CNTNAP5: variants seen among roughly 807,000 people sequenced by gnomAD.
CNTNAP5 encodes the protein contactin-associated protein-like 5.
In CNTNAP5, 72 loss-of-function variants were observed where a neutral mutation model predicts 150.2. That is an observed-to-expected ratio of 0.48 (90% CI 0.40 to 0.58). The LOEUF (loss-of-function observed/expected upper bound fraction) is 0.58, where lower values mean the gene tolerates loss of function less well. CNTNAP5 is among the 20% of genes least tolerant of loss of function. The probability of loss-of-function intolerance (pLI) is 0.00; values close to 1 mark genes in which losing one functional copy is unlikely to be tolerated. For synonymous variants in CNTNAP5, 672 were observed against 619.8 expected, an observed-to-expected ratio of 1.08 and a Z score of -1.25; for missense variants, 1,636 against 1,626.2, an observed-to-expected ratio of 1.01 and a Z score of -0.10.
chr2:124,635,051 G>C (rs77958503), intron 12 of CNTNAP5, among the ~76,000 whole-genome samples: 12,079 of 152,132 alleles, frequency 0.079, 615 homozygotes, highest in African/African-American at 0.14. Flanking sequence ...TTCTACAGTA[G>C]TCCATTCTTG....
At chr2:124,633,125 C>A (rs1404222060) in intron 12 of CNTNAP5, among the ~76,000 whole-genome samples, 1 of 152,060 alleles carries the variant, frequency 6.6e-6, no homozygotes, top group Non-Finnish European at 1.5e-5. Flanking sequence ...CTAGCCCCTC[C>A]AAATCTCATG....
chr2:124,770,502 A>G (rs952436074), intron 16 of CNTNAP5, among the ~76,000 whole-genome samples: 10 of 152,168 alleles, frequency 6.6e-5, no homozygotes, highest in African/African-American at 2.4e-4. Flanking sequence ...AACATTCCTC[A>G]CCCAAATTCT....
chr2:124,518,414 T>C (rs17676142), intron 8 of CNTNAP5, among the ~76,000 whole-genome samples: 6,024 of 152,248 alleles, frequency 0.04, 144 homozygotes, highest in Non-Finnish European at 0.047. Context: ...AGCTAGGTGA[T>C]TCACAAAATA....
chr2:124,514,159 C>T (rs1198506111), intron 8 of CNTNAP5, among the ~76,000 whole-genome samples: 1 of 152,158 alleles, frequency 6.6e-6, no homozygotes, highest in Non-Finnish European at 1.5e-5. Flanking sequence ...GTTCGAGTTT[C>T]AGAAGATAGT....
rs796750394 is a variant in CNTNAP5, at chr2:124,609,422, C to G, written c.1757-379C>G. Among the ~76,000 whole-genome samples the G allele has an allele frequency of 1.3e-4, 20 of 152,188 alleles. 1 individual carries two copies. Among genetic ancestry groups the G allele is most frequent in the African/African-American group, 4.6e-4 (19 of 41,524 alleles). ...TGGATAACAGAGTGAGACCCCATCTCTATAAACATTTTTTTAAAAAAATTA... is the reference window on the plus strand; with the variant it reads ...TGGATAACAGAGTGAGACCCCATCTGTATAAACATTTTTTTAAAAAAATTA... On this transcript the variant is annotated intron_variant, in intron 11 of 23. Coordinates refer to ENST00000682447, the MANE Select transcript of CNTNAP5 (RefSeq NM_001367498.1).
At chr2:124,543,445 C>A (rs898356860) in intron 10 of CNTNAP5, among the ~76,000 whole-genome samples, 1 of 152,100 alleles carries the variant, frequency 6.6e-6, no homozygotes, top group African/African-American at 2.4e-5. Context: ...GGATTCTGTG[C>A]GCCCCTAAGC....
intron 21 of CNTNAP5, among the ~76,000 whole-genome samples, chr2:124,886,673 G>A (rs1370341618): frequency 6.6e-6 from 1 of 152,030 alleles, no homozygotes; most frequent in East Asian, 1.9e-4. Flanking sequence ...TGAGCTTGAT[G>A]ATATTTACAG....
chr2:124,726,129 C>T (rs564061551), intron 13 of CNTNAP5, among the ~76,000 whole-genome samples: 3 of 152,034 alleles, frequency 2.0e-5, no homozygotes, highest in Non-Finnish European at 2.9e-5. Flanking sequence ...TTCACCAATG[C>T]TTGTTAAATT....
intron 3 of CNTNAP5, among the ~76,000 whole-genome samples, chr2:124,254,928 A>G (rs1687269409): frequency 1.3e-5 from 2 of 152,164 alleles, no homozygotes; most frequent in Non-Finnish European, 2.9e-5. Flanking sequence ...TCCTTCCACT[A>G]GATAAGATAT....
At chr2:124,537,423 C>A (rs1214720598) in intron 10 of CNTNAP5, among the ~76,000 whole-genome samples, 1 of 152,210 alleles carries the variant, frequency 6.6e-6, no homozygotes, top group African/African-American at 2.4e-5. Flanking sequence ...CCTATCCTCG[C>A]AGCTCACTGT....
chr2:124,915,339 A>G lies in CNTNAP5; in HGVS notation c.*1051A>G, dbSNP rs1439295188. ...TAAACCATCTTAACTCAGCTTTAAAACAAAAATTAAATCAGGAAAAAATGA... is the reference window on the plus strand; with the variant it reads ...TAAACCATCTTAACTCAGCTTTAAAGCAAAAATTAAATCAGGAAAAAATGA... On this transcript the variant is annotated 3_prime_UTR_variant, in exon 24 of 24. Transcript: ENST00000682447. 1 of 166,794 alleles carries G rather than the reference A, an allele frequency of 6.0e-6. No homozygotes were observed. Among genetic ancestry groups the G allele is most frequent in the Non-Finnish European group, 1.5e-5 (1 of 68,054 alleles). 10.3% of individuals were successfully genotyped at this position (166,794 alleles called of 1,614,324 possible).
At chr2:124,491,036 A>T (rs1025665404) in intron 7 of CNTNAP5, among the ~76,000 whole-genome samples, 1 of 152,172 alleles carries the variant, frequency 6.6e-6, no homozygotes, top group Non-Finnish European at 1.5e-5. Flanking sequence ...AAAAATAAAG[A>T]TAGTATATAT....
At chr2:124,672,433 A>G (rs68021048) in intron 13 of CNTNAP5, among the ~76,000 whole-genome samples, 38,062 of 152,086 alleles carry the variant, frequency 0.25, 5,147 homozygotes, top group African/African-American at 0.36. Context: ...TTATTAATGC[A>G]CTGAAAAGAA....
At chr2:124,419,168 A>G (rs1692017746) in intron 4 of CNTNAP5, among the ~76,000 whole-genome samples, 1 of 148,090 alleles carries the variant, frequency 6.8e-6, no homozygotes, top group African/African-American at 2.5e-5. Flanking sequence ...AAAAAACAGT[A>G]TGAAGCTTTT....
intron 16 of CNTNAP5, among the ~76,000 whole-genome samples, chr2:124,767,333 C>T (rs529073462): frequency 5.3e-5 from 8 of 152,292 alleles, no homozygotes; most frequent in Middle Eastern, 6.8e-3. Flanking sequence ...ATTTGAATTT[C>T]GTAGCCCATA....
chr2:124,088,311 A>G (rs961988822), intron 1 of CNTNAP5, among the ~76,000 whole-genome samples: 5 of 151,630 alleles, frequency 3.3e-5, no homozygotes, highest in African/African-American at 1.2e-4. Flanking sequence ...TTATTTGCTG[A>G]TACTTTTCTT....
Position 124,678,886 on chromosome 2 carries a change from T to C in CNTNAP5, c.2077+30928T>C, listed in dbSNP as rs954217056. Among the ~76,000 whole-genome samples, 4 of 151,966 alleles carry C rather than the reference T, an allele frequency of 2.6e-5. No individual in the cohort carries two copies. In the Admixed American group the frequency reaches 2.7e-4, roughly 10 times the overall value. ...ACAAATGTCTGATTGCCTCTTTGCATCCTTGTGGCTTAGCACAATGCTTGG... is the reference window on the plus strand; with the variant it reads ...ACAAATGTCTGATTGCCTCTTTGCACCCTTGTGGCTTAGCACAATGCTTGG... On this transcript the variant is annotated intron_variant, in intron 13 of 23. Coordinates refer to ENST00000682447, the MANE Select transcript of CNTNAP5 (RefSeq NM_001367498.1).
chr2:124,477,875 A>G (rs1189647784), intron 7 of CNTNAP5, among the ~76,000 whole-genome samples: 1 of 152,110 alleles, frequency 6.6e-6, no homozygotes, highest in Non-Finnish European at 1.5e-5. Flanking sequence ...GAAATATTAA[A>G]GGGCATCACT....
intron 19 of CNTNAP5, among the ~76,000 whole-genome samples, chr2:124,820,650 T>C (rs1321928759): frequency 6.6e-6 from 1 of 152,180 alleles, no homozygotes; most frequent in Non-Finnish European, 1.5e-5. Flanking sequence ...GCTTCTAGTT[T>C]CAATTATTTG....
Sources: allele counts gnomAD v4.1 joint callset (sites outside exome capture counted in the v4.1 genomes callset), GRCh38; gene constraint gnomAD v4.1.1; transcripts MANE v1.5; gene names NCBI Gene and HGNC (gene_info 2026-07-23, HGNC 2026-07-21).